Variants in SNTB1 observed in about 807,000 individuals in gnomAD.
SNTB1 encodes the protein syntrophin beta 1.
A neutral mutation model predicts 48.9 loss-of-function variants in SNTB1; 36 were observed. The ratio of observed to expected loss-of-function variants is 0.74; its 90% CI spans 0.56 to 0.97. SNTB1 has a LOEUF of 0.97. SNTB1 is among the 50% of genes least tolerant of loss of function. SNTB1 has a pLI of 0.00. For missense variants in SNTB1, 786 were observed against 703.4 expected (o/e 1.12, Z -1.33); for synonymous variants, 299 against 294.6 (o/e 1.01, Z -0.15).
Position 120,683,135 on chromosome 8 carries a change from C to A in SNTB1, c.788+10557G>T, listed in dbSNP as rs547301460. Among the ~76,000 whole-genome samples, 8 of 152,264 alleles carry A rather than the reference C, an allele frequency of 5.3e-5. No individual in the cohort carries two copies. The East Asian group carries it at 1.3e-3, about 26-fold the overall frequency. ...TGACCTCGTGATCCACCCACCTCGG[C>A]CTCCCAAAGTGCTGGGATTACAGGC... On this transcript the variant is annotated intron_variant, in intron 2 of 6. Transcript: ENST00000517992.
chr8:120,555,413 C>T (rs1815550748), intron 4 of SNTB1, among the ~76,000 whole-genome samples: 1 of 152,194 alleles, frequency 6.6e-6, no homozygotes, highest in African/African-American at 2.4e-5. Context: ...CAGGGAAGGG[C>T]TGCTTGCCCT....
At chr8:120,596,142 G>C (rs1816320228) in intron 3 of SNTB1, among the ~76,000 whole-genome samples, 1 of 152,254 alleles carries the variant, frequency 6.6e-6, no homozygotes, top group Non-Finnish European at 1.5e-5. Flanking sequence ...GATGTGGATG[G>C]TTTCACAAGC....
At chr8:120,739,355 G>T (rs181123275) in intron 1 of SNTB1, among the ~76,000 whole-genome samples, 87 of 152,290 alleles carry the variant, frequency 5.7e-4, no homozygotes, top group Non-Finnish European at 1.1e-3. Flanking sequence ...AAACGAGCTA[G>T]CCTAATGAGA....
chr8:120,673,962 GA>G (rs1301629121), intron 2 of SNTB1, among the ~76,000 whole-genome samples: 1 of 152,052 alleles, frequency 6.6e-6, no homozygotes, highest in Admixed American at 6.6e-5. Flanking sequence ...TGGTTATCGT[GA>G]AAAAAACAAA....
At chr8:120,693,551 T>G in intron 2 of SNTB1, 141 bp downstream of exon 2, 1 of 720,442 alleles carries the variant, frequency 1.4e-6, no homozygotes, top group Non-Finnish European at 2.4e-6. Flanking sequence ...ACACACACAA[T>G]TCTCAGCATG....
intron 5 of SNTB1, among the ~76,000 whole-genome samples, 194 bp downstream of exon 5, chr8:120,548,568 T>A (rs1331543751): frequency 6.6e-6 from 1 of 152,170 alleles, no homozygotes; most frequent in Non-Finnish European, 1.5e-5. Context: ...GTAGGATAAG[T>A]CTTTCTATAA....
intron 1 of SNTB1, among the ~76,000 whole-genome samples, chr8:120,801,155 C>T (rs1211802607): frequency 6.6e-6 from 1 of 151,874 alleles, no homozygotes; most frequent in Non-Finnish European, 1.5e-5. Flanking sequence ...AGGAATATTA[C>T]AAGCAAGCAA....
At position 120,653,814 on chromosome 8, in the gene SNTB1, C is replaced by T. The variant is rs374922184; in HGVS notation, c.789-21163G>A. On this transcript the variant is annotated intron_variant, in intron 2 of 6. Transcript: ENST00000517992. ...CAGCACTTTGGGAGGCCGAGGCGGG[C>T]GGATCACAAGGTCAGGAGATCGAGA... Among the ~76,000 whole-genome samples, 523 of 151,608 alleles carry T rather than the reference C, an allele frequency of 3.4e-3. 3 individuals are homozygous for T. Among genetic ancestry groups the T allele is most frequent in the African/African-American group, 0.012 (491 of 41,384 alleles).
intron 1 of SNTB1, among the ~76,000 whole-genome samples, chr8:120,757,980 G>A (rs1460024692): frequency 2.6e-5 from 4 of 152,238 alleles, no homozygotes; most frequent in Admixed American, 2.6e-4. Flanking sequence ...CAGTGGTATT[G>A]GTGGTGATAC....
chr8:120,759,799 C>T (rs1011999187), intron 1 of SNTB1, among the ~76,000 whole-genome samples: 7 of 152,196 alleles, frequency 4.6e-5, no homozygotes, highest in African/African-American at 1.7e-4. Flanking sequence ...CCCCACAAGC[C>T]TAGAGTCTCC....
intron 2 of SNTB1, among the ~76,000 whole-genome samples, chr8:120,647,471 C>T (rs752215001): frequency 1.2e-4 from 18 of 148,618 alleles, no homozygotes; most frequent in East Asian, 4.0e-4. Context: ...TGTAGTTGAG[C>T]GGTTTTGAGT....
chr8:120,751,029 A>T lies in SNTB1; in HGVS notation c.572-57121T>A, dbSNP rs115662152. On this transcript the variant is annotated intron_variant, in intron 1 of 6. Transcript: ENST00000517992. ...AAATCCTATTATCTATGGCTAAAGGATTCCATCTAATAACTGACCTATGAT... is the reference window on the plus strand; with the variant it reads ...AAATCCTATTATCTATGGCTAAAGGTTTCCATCTAATAACTGACCTATGAT... Among the ~76,000 whole-genome samples, 341 of 152,292 alleles carry T rather than the reference A, an allele frequency of 2.2e-3. 1 individual carries two copies. Among genetic ancestry groups the T allele is most frequent in the African/African-American group, 8.1e-3 (335 of 41,580 alleles).
At chr8:120,799,622 G>A (rs1408444782) in intron 1 of SNTB1, among the ~76,000 whole-genome samples, 1 of 151,874 alleles carries the variant, frequency 6.6e-6, no homozygotes, top group Non-Finnish European at 1.5e-5. Context: ...TGGAGAAATA[G>A]CAACAAAAAT....
chr8:120,675,896 A>G lies in SNTB1; in HGVS notation c.788+17796T>C, dbSNP rs544115414. ...CTACCATGTAGCCAACACTTTGTGC[A>G]ATGGATACTGTGAACTTACTCAACC... On this transcript the variant is annotated intron_variant, in intron 2 of 6. Transcript: ENST00000517992. Among the ~76,000 whole-genome samples, 160 of 152,358 alleles carry G rather than the reference A, an allele frequency of 1.1e-3. 2 individuals carry two copies. Among genetic ancestry groups the G allele is most frequent in the African/African-American group, 3.6e-3 (149 of 41,590 alleles).
chr8:120,793,134 T>TA (rs149435126), intron 1 of SNTB1, among the ~76,000 whole-genome samples: 3,412 of 151,130 alleles, frequency 0.023, 121 homozygotes, highest in African/African-American at 0.075. Context: ...TGGAATGAGT[T>TA]AAAAAAAAAT....
intron 4 of SNTB1, among the ~76,000 whole-genome samples, chr8:120,552,903 T>G: frequency 6.8e-6 from 1 of 147,464 alleles, no homozygotes; most frequent in Non-Finnish European, 1.5e-5. Flanking sequence ...CATCTGGGGG[T>G]GATGATGCCT....
chr8:120,603,544 C>T (rs1816459718), intron 3 of SNTB1, among the ~76,000 whole-genome samples: 1 of 152,176 alleles, frequency 6.6e-6, no homozygotes, highest in Non-Finnish European at 1.5e-5. Flanking sequence ...GTTAAAAATG[C>T]AAATTCTTGC....
At chr8:120,705,677 G>A (rs1818367943) in intron 1 of SNTB1, among the ~76,000 whole-genome samples, 1 of 152,138 alleles carries the variant, frequency 6.6e-6, no homozygotes, top group Admixed American at 6.6e-5. Context: ...GTGATTTCTG[G>A]AATGTGGTTA....
At chr8:120,794,145 G>A (rs1362597385) in intron 1 of SNTB1, among the ~76,000 whole-genome samples, 1 of 151,948 alleles carries the variant, frequency 6.6e-6, no homozygotes, top group East Asian at 1.9e-4. Flanking sequence ...AAGAAGGTAA[G>A]CTTCAATACC....
Sources: gnomAD v4.1 joint callset for allele counts (sites outside exome capture counted in the v4.1 genomes callset) on GRCh38, gnomAD v4.1.1 for gene constraint, MANE v1.5 for transcripts, NCBI Gene and HGNC (gene_info 2026-07-23, HGNC 2026-07-21) for gene names.